JAKMIP1: variants seen among roughly 807,000 people sequenced by gnomAD.
The protein encoded by JAKMIP1 is janus kinase and microtubule interacting protein 1.
JAKMIP1 carries 33 observed loss-of-function variants against 113.0 expected under a neutral mutation model. The observed-to-expected ratio is 0.29, with a 90% confidence interval of 0.22 to 0.39. The LOEUF (loss-of-function observed/expected upper bound fraction) is 0.39, where lower values mean the gene tolerates loss of function less well. JAKMIP1 is among the 10% of genes least tolerant of loss of function. JAKMIP1 has a pLI of 1.00. For missense variants in JAKMIP1, 813 were observed against 1,080.5 expected (o/e 0.75, Z 3.47); for synonymous variants, 480 against 459.9 (o/e 1.04, Z -0.56).
intron 16 of JAKMIP1, among the ~76,000 whole-genome samples, chr4:6,045,136 T>C (rs769202006): frequency 6.6e-6 from 1 of 152,250 alleles, no homozygotes; most frequent in Non-Finnish European, 1.5e-5. Context: ...AGGCTTCGAC[T>C]CACGGCCAAC....
At chr4:6,172,260 G>A (rs1448759857) in intron 1 of JAKMIP1, among the ~76,000 whole-genome samples, 3 of 152,184 alleles carry the variant, frequency 2.0e-5, no homozygotes, top group African/African-American at 7.2e-5. Context: ...CCAGCCCTCA[G>A]CTTTACATCC....
chr4:6,081,667 T>C lies in JAKMIP1; in HGVS notation c.1043A>G (p.Gln348Arg), dbSNP rs1720567521. 2 of 1,614,208 alleles carry C rather than the reference T, an allele frequency of 1.2e-6. No homozygotes were observed. The highest frequency in any genetic ancestry group is 4.5e-5 in the East Asian group (2 of 44,880). Residue 348 changes from glutamine to arginine, a missense_variant, in exon 6 of 21, where the codon CAG becomes CGG. Coordinates refer to ENST00000409021, the MANE Select transcript of JAKMIP1 (RefSeq NM_001099433.2). This position sits in a 1 kb window ranked among gnomAD's most constrained non-coding sequence, Gnocchi z 4.6. ...TTTCTCCTCCATCCTCTGGATACTC[T>C]GCAACAGATCCTCATTCTTCTTGTT... ...RMNKKNEDLL[Q>R]SIQRMEEKIK...
At chr4:6,077,279 G>A (rs1719815193) in intron 8 of JAKMIP1, among the ~76,000 whole-genome samples, 1 of 152,076 alleles carries the variant, frequency 6.6e-6, no homozygotes, top group Non-Finnish European at 1.5e-5. Flanking sequence ...AGACACACAG[G>A]TAGAATGTCA....
In JAKMIP1 at chr4:6,042,762, G is replaced by A. The variant is rs746237600; in HGVS notation, c.2029-535C>T. On this transcript the variant is annotated intron_variant, in intron 16 of 20. Transcript: ENST00000409021. This position sits in a 1 kb window ranked among gnomAD's most constrained non-coding sequence, Gnocchi z 5.2. ...CCACTGCCCTCATCCCTCCAGCAACGTGAGTTGGAGCAGCCCAGAGTGCCT... is the reference window on the plus strand; with the variant it reads ...CCACTGCCCTCATCCCTCCAGCAACATGAGTTGGAGCAGCCCAGAGTGCCT... Among the ~76,000 whole-genome samples, 3 of 152,080 alleles carry A rather than the reference G, an allele frequency of 2.0e-5. No homozygotes were observed. The highest frequency in any genetic ancestry group is 7.2e-5 in the African/African-American group (3 of 41,406).
rs898906759 is a variant in JAKMIP1 at position 6,065,191 on chromosome 4, C to T, written c.1303-183G>A. Among the ~76,000 whole-genome samples, 6 of 152,130 alleles carry T rather than the reference C, an allele frequency of 3.9e-5. No homozygotes were observed. The highest frequency in any genetic ancestry group is 2.6e-4 in the Admixed American group (4 of 15,272). Reference sequence around the variant, plus strand: ...TGGGATAAAAGGTGGCAGCAGGTGGCGGATGACCCTAGGGTTTACAGCCTG... The same window carrying T: ...TGGGATAAAAGGTGGCAGCAGGTGGTGGATGACCCTAGGGTTTACAGCCTG... On this transcript the variant is annotated intron_variant, in intron 8 of 20. Transcript: ENST00000409021. This position sits in a 1 kb window ranked among gnomAD's most constrained non-coding sequence, Gnocchi z 5.1.
intron 1 of JAKMIP1, among the ~76,000 whole-genome samples, chr4:6,177,333 T>C (rs181432050): frequency 1.3e-5 from 2 of 152,274 alleles, no homozygotes; most frequent in East Asian, 1.9e-4. Flanking sequence ...CAAATGTACA[T>C]AGAAAGACAG....
chr4:6,161,204 C>T (rs948123709), intron 1 of JAKMIP1, among the ~76,000 whole-genome samples: 4 of 150,674 alleles, frequency 2.7e-5, no homozygotes, highest in African/African-American at 9.8e-5. Context: ...CCACTCATCT[C>T]CCCGATCTCC....
intron 1 of JAKMIP1, among the ~76,000 whole-genome samples, chr4:6,171,188 A>G (rs1343963555): frequency 2.8e-5 from 4 of 144,296 alleles, no homozygotes; most frequent in African/African-American, 1.1e-4. Context: ...CACCACCATC[A>G]CCATCATCAC....
At position 6,155,425 on chromosome 4, in the gene JAKMIP1, A is replaced by G. The variant is rs564190433; in HGVS notation, c.-147-42428T>C. On this transcript the variant is annotated intron_variant, in intron 1 of 20. Transcript: ENST00000409021. The surrounding 1 kb of genome is among the most constrained non-coding windows in gnomAD (Gnocchi z 6.1). ...TATTCTAGAGATTTAAAAAGTATGG[A>G]AAGGCTAAAACACTTGTCCAAAAGT... Among the ~76,000 whole-genome samples, 2 of 152,332 alleles carry G rather than the reference A, an allele frequency of 1.3e-5. 1 individual carries two copies. The highest frequency in any genetic ancestry group is 4.1e-4 in the South Asian group (2 of 4,828).
chr4:6,037,989 G>T (rs57141802), intron 18 of JAKMIP1, among the ~76,000 whole-genome samples: 5 of 116,798 alleles, frequency 4.3e-5, no homozygotes, highest in South Asian at 3.0e-4. Context: ...CTAACCAGTA[G>T]CCCTCCATCA....
At position 6,042,154 on chromosome 4, in the gene JAKMIP1, T is replaced by C; in HGVS notation, c.2097+5A>G. The C allele has an allele frequency of 6.2e-7, 1 of 1,613,364 alleles. No individual in the cohort carries two copies. Among genetic ancestry groups the C allele is most frequent in the Non-Finnish European group, 8.5e-7 (1 of 1,179,388 alleles). On this transcript the variant is annotated splice_donor_5th_base_variant and intron_variant, in intron 17 of 20. Coordinates refer to ENST00000409021, the MANE Select transcript of JAKMIP1 (RefSeq NM_001099433.2). This position sits in a 1 kb window ranked among gnomAD's most constrained non-coding sequence, Gnocchi z 5.2. ...CCCCCACCCCCAGGCAGTCAAATCTTTTACCTTCTCCTTCTCCAGGTCCAG... is the reference window on the plus strand; with the variant it reads ...CCCCCACCCCCAGGCAGTCAAATCTCTTACCTTCTCCTTCTCCAGGTCCAG...
intron 8 of JAKMIP1, among the ~76,000 whole-genome samples, chr4:6,073,385 G>T (rs1719256808): frequency 6.6e-6 from 1 of 152,204 alleles, no homozygotes; most frequent in African/African-American, 2.4e-5. Flanking sequence ...GGGAGGAGGG[G>T]ACACAGCACT....
chr4:6,115,590 G>C (rs1715624165), intron 1 of JAKMIP1, among the ~76,000 whole-genome samples: 2 of 152,210 alleles, frequency 1.3e-5, no homozygotes, highest in South Asian at 4.1e-4. Flanking sequence ...GATACTGACA[G>C]GGACCACCTG....
Position 6,081,732 on chromosome 4 carries a change from C to G in JAKMIP1, c.978G>C (p.Glu326Asp), listed in dbSNP as rs779375501. ...TCTCCACCAGGGGCTTCAGCTGAAC[C>G]TCGGTCTCTCGTGAGCGTTTCAGCT... ...NELLKRSRET[E>D]VQLKPLVEKN... The change falls in exon 6 of 21, where the codon GAG (glutamate) becomes GAC (aspartate). Residue 326 changes from glutamate to aspartate, a missense_variant. Glu to Asp is a conservative substitution (Grantham distance 45). Coordinates refer to ENST00000409021, the MANE Select transcript of JAKMIP1 (RefSeq NM_001099433.2). This position sits in a 1 kb window ranked among gnomAD's most constrained non-coding sequence, Gnocchi z 4.6. 6 of 1,614,056 alleles carry G rather than the reference C, an allele frequency of 3.7e-6. No homozygotes were observed. The highest frequency in any genetic ancestry group is 5.1e-6 in the Non-Finnish European group (6 of 1,180,046).
chr4:6,126,615 AAC>A (rs141257246), intron 1 of JAKMIP1, among the ~76,000 whole-genome samples: 31,505 of 145,768 alleles, frequency 0.22, 3,760 homozygotes, highest in Non-Finnish European at 0.28. Context: ...ACCATGCAGA[AAC>A]ACACACACAC....
chr4:6,096,870 A>G (rs1711879461), intron 3 of JAKMIP1, among the ~76,000 whole-genome samples: 2 of 152,262 alleles, frequency 1.3e-5, no homozygotes. Context: ...ATTTTATACA[A>G]TATTTTTAAT....
In JAKMIP1 at chr4:6,181,192, C is replaced by T. The variant is rs1298750278; in HGVS notation, c.-148+19061G>A. Among the ~76,000 whole-genome samples the T allele has an allele frequency of 6.6e-6, 1 of 152,242 alleles. No homozygotes were observed. The highest frequency in any genetic ancestry group is 1.9e-4 in the East Asian group (1 of 5,198). On this transcript the variant is annotated intron_variant, in intron 1 of 20. Transcript: ENST00000409021. This position sits in a 1 kb window ranked among gnomAD's most constrained non-coding sequence, Gnocchi z 5.4. ...CGCTCCTTGACAGACACCTACCAAA[C>T]ACCTCCTGTGTGCACAAGGCTTTGT...
At chr4:6,029,135 C>A (rs1712249956) in intron 20 of JAKMIP1, among the ~76,000 whole-genome samples, 4 of 152,202 alleles carry the variant, frequency 2.6e-5, no homozygotes, top group Admixed American at 2.6e-4. Flanking sequence ...ACCCAGCCAT[C>A]CCTTCCTAGC....
chr4:6,109,119 G>A (rs1402513560), intron 2 of JAKMIP1, among the ~76,000 whole-genome samples: 4 of 150,016 alleles, frequency 2.7e-5, no homozygotes, highest in Non-Finnish European at 5.9e-5. Context: ...ATGTGCCTGG[G>A]GCACCTTTTT....
Sources: allele counts gnomAD v4.1 joint callset (sites outside exome capture counted in the v4.1 genomes callset), GRCh38; gene constraint gnomAD v4.1.1; non-coding constraint Gnocchi (gnomAD v3.1); transcripts MANE v1.5; gene names NCBI Gene and HGNC (gene_info 2026-07-23, HGNC 2026-07-21).